Variants in ZNF475 observed in about 807,000 individuals in gnomAD.
The protein encoded by ZNF475 is zinc finger protein 475.
the ZNF475 span, chr5:122,182,531 T>C: frequency 7.8e-6 from 12 of 1,533,906 alleles, no homozygotes; most frequent in East Asian, 4.9e-5. Context: ...ATGAAGCTGC[T>C]TGGACAAGTG....
the ZNF475 span, among the ~76,000 whole-genome samples, chr5:122,170,350 C>G: frequency 6.6e-6 from 1 of 152,182 alleles, no homozygotes; most frequent in East Asian, 1.9e-4. Flanking sequence ...CGCCAGGTTA[C>G]TCACACTTCT....
the ZNF475 span, chr5:122,182,638 A>G: frequency 6.5e-7 from 1 of 1,534,682 alleles, no homozygotes; most frequent in Non-Finnish European, 8.7e-7. Flanking sequence ...AAAGCCGCCA[A>G]GTAAAGCCCT....
the ZNF475 span, among the ~76,000 whole-genome samples, chr5:122,169,112 CCATTATGGG>C: frequency 3.9e-3 from 590 of 152,310 alleles, 5 homozygotes; most frequent in African/African-American, 0.014. Context: ...CTTCTTGTTT[CCATTATGGG>C]CATTATAGCT....
At chr5:122,169,394 T>A in the ZNF475 span, among the ~76,000 whole-genome samples, 7 of 152,146 alleles carry the variant, frequency 4.6e-5, no homozygotes, top group African/African-American at 1.7e-4. Flanking sequence ...CCTCCATAAC[T>A]AAGGAGAGTT....
chr5:122,172,871 A>G, the ZNF475 span, among the ~76,000 whole-genome samples: 1 of 152,088 alleles, frequency 6.6e-6, no homozygotes, highest in Non-Finnish European at 1.5e-5. Flanking sequence ...GTGTCTACTA[A>G]AAATACAAAA....
the ZNF475 span, among the ~76,000 whole-genome samples, chr5:122,167,888 C>A: frequency 6.6e-6 from 1 of 152,164 alleles, no homozygotes; most frequent in African/African-American, 2.4e-5. Flanking sequence ...TGTGTGTACT[C>A]TTGTGTTTGG....
chr5:122,163,255 A>G, the ZNF475 span: 7 of 152,348 alleles, frequency 4.6e-5, no homozygotes, highest in African/African-American at 1.7e-4. Context: ...AAATAGGGGC[A>G]TTGAGCTCTG....
the ZNF475 span, among the ~76,000 whole-genome samples, chr5:122,172,047 T>C: frequency 2.6e-5 from 4 of 152,322 alleles, no homozygotes; most frequent in Middle Eastern, 3.4e-3. Flanking sequence ...GCACAGCCTC[T>C]ACAATTTCTA....
chr5:122,181,074 C>G, the ZNF475 span, among the ~76,000 whole-genome samples: 13 of 152,258 alleles, frequency 8.5e-5, no homozygotes, highest in South Asian at 2.7e-3. Flanking sequence ...GGTCTGAAAG[C>G]CCTGGTGGTT....
chr5:122,181,089 A>G, the ZNF475 span, among the ~76,000 whole-genome samples: 1 of 152,128 alleles, frequency 6.6e-6, no homozygotes, highest in Non-Finnish European at 1.5e-5. Flanking sequence ...GTGGTTCACT[A>G]TTCTGTTACT....
At chr5:122,163,782 C>G in the ZNF475 span, among the ~76,000 whole-genome samples, 2 of 152,170 alleles carry the variant, frequency 1.3e-5, no homozygotes, top group African/African-American at 4.8e-5. Flanking sequence ...CAAGGATTAC[C>G]CATGCTTACT....
chr5:122,176,963 C>G, the ZNF475 span, among the ~76,000 whole-genome samples: 2 of 152,118 alleles, frequency 1.3e-5, no homozygotes, highest in Non-Finnish European at 2.9e-5. Flanking sequence ...CTTAACTCTC[C>G]CATAGATTTG....
At chr5:122,164,027 T>A in the ZNF475 span, among the ~76,000 whole-genome samples, 1 of 152,158 alleles carries the variant, frequency 6.6e-6, no homozygotes, top group Non-Finnish European at 1.5e-5. Flanking sequence ...AATGACTCAG[T>A]CTTTCGAGTG....
chr5:122,167,164 T>C, the ZNF475 span, among the ~76,000 whole-genome samples: 1 of 152,190 alleles, frequency 6.6e-6, no homozygotes, highest in Non-Finnish European at 1.5e-5. Flanking sequence ...ACTGGTCGGT[T>C]ATGTTTCAAA....
the ZNF475 span, among the ~76,000 whole-genome samples, chr5:122,161,829 A>C: frequency 1.3e-5 from 2 of 152,218 alleles, no homozygotes; most frequent in Admixed American, 6.5e-5. Flanking sequence ...CACCAAGAAC[A>C]TTCTCCAACC....
chr5:122,178,024 T>C, the ZNF475 span, among the ~76,000 whole-genome samples: 1 of 152,198 alleles, frequency 6.6e-6, no homozygotes, highest in African/African-American at 2.4e-5. Flanking sequence ...GTTAGTTTGC[T>C]GACAATGGTG....
the ZNF475 span, among the ~76,000 whole-genome samples, chr5:122,174,801 A>C: frequency 6.6e-6 from 1 of 152,208 alleles, no homozygotes; most frequent in Non-Finnish European, 1.5e-5. Context: ...AATTTTATTA[A>C]ATTCACTATT....
At chr5:122,179,579 T>C in the ZNF475 span, 3 of 1,523,530 alleles carry the variant, frequency 2.0e-6, no homozygotes, top group Non-Finnish European at 2.6e-6. Context: ...CACCAGCAGT[T>C]GTTTGCTACA....
At chr5:122,162,321 C>G in the ZNF475 span, 1 of 152,186 alleles carries the variant, frequency 6.6e-6, no homozygotes, top group Non-Finnish European at 1.5e-5. Flanking sequence ...ACACGGCATC[C>G]AGTGATTTCC....
Sources: gnomAD v4.1 joint callset for allele counts (sites outside exome capture counted in the v4.1 genomes callset) on GRCh38, gnomAD v4.1.1 for gene constraint, MANE v1.5 for transcripts, NCBI Gene and HGNC (gene_info 2026-07-23, HGNC 2026-07-21) for gene names.